The following DHRS2 variants were observed in gnomAD, a reference collection of about 807,000 sequenced individuals.
The protein encoded by DHRS2 is dehydrogenase/reductase SDR family member 2, mitochondrial.
In DHRS2, 29 loss-of-function variants were observed where a neutral mutation model predicts 26.3. The ratio of observed to expected loss-of-function variants is 1.10; its 90% CI spans 0.82 to 1.50. The LOEUF (loss-of-function observed/expected upper bound fraction) is 1.50. Among genes scored for constraint, DHRS2 ranks in the 40% most tolerant of loss-of-function variants. DHRS2 has a pLI of 0.00. For synonymous variants in DHRS2, 164 were observed against 151.3 expected (o/e 1.08, Z -0.62); for missense variants, 439 against 367.1 (o/e 1.20, Z -1.60).
chr14:23,636,850 C>T (rs879282580), intron 1 of DHRS2, 78 bp downstream of exon 1: 7 of 152,234 alleles, frequency 4.6e-5, no homozygotes, highest in Non-Finnish European at 7.3e-5. Context: ...TTCTGGGCAC[C>T]TGTCGGCCAG....
At chr14:23,637,074 C>T (rs972867129) in intron 1 of DHRS2, among the ~76,000 whole-genome samples, 11 of 152,164 alleles carry the variant, frequency 7.2e-5, no homozygotes, top group South Asian at 4.1e-4. Context: ...GTTGACCCTG[C>T]GGCCATGAGC....
chr14:23,640,372 T>G, intron 4 of DHRS2: 1 of 985,472 alleles, frequency 1.0e-6, no homozygotes, highest in Non-Finnish European at 1.2e-6. Flanking sequence ...CCACACAAAC[T>G]TGCCGACAGG....
intron 1 of DHRS2, among the ~76,000 whole-genome samples, chr14:23,630,641 A>T (rs1169720056): frequency 6.6e-6 from 1 of 152,260 alleles, no homozygotes; most frequent in East Asian, 1.9e-4. Flanking sequence ...ATGACCCATG[A>T]CACAGGTCCA....
intron 1 of DHRS2, among the ~76,000 whole-genome samples, chr14:23,637,225 A>T (rs936288859): frequency 3.3e-5 from 5 of 152,028 alleles, no homozygotes; most frequent in Non-Finnish European, 2.9e-5. Context: ...CTTCTAAAAA[A>T]CCACTCCCTG....
In DHRS2 at chr14:23,639,242, G is replaced by C; in HGVS notation, c.204G>C (p.Arg68=). The C allele has an allele frequency of 6.2e-7, 1 of 1,613,842 alleles. No homozygotes were observed. Among genetic ancestry groups the C allele is most frequent in the Non-Finnish European group, 8.5e-7 (1 of 1,179,892 alleles). Residue 68 remains arginine (R), a synonymous_variant, in exon 3 of 9, where the codon CGG becomes CGC. Transcript: ENST00000250383. ...GGGCCCACGTGGTCATCAGCAGCCG[G>C]AAGCAGCAGAACGTGGACCGGGCCA... ...RDGAHVVISS[R]KQQNVDRAMA... is the part of the protein sequence containing the mutation.
intron 1 of DHRS2, among the ~76,000 whole-genome samples, chr14:23,637,761 G>T (rs372200789): frequency 6.6e-6 from 1 of 152,116 alleles, no homozygotes; most frequent in African/African-American, 2.4e-5. Flanking sequence ...TGTGTCTAGC[G>T]AAAGGATTGT....
At chr14:23,639,943 T>C in intron 4 of DHRS2, 48 bp downstream of exon 4, 1 of 1,440,068 alleles carries the variant, frequency 6.9e-7, no homozygotes. Flanking sequence ...ATTCCAGCTC[T>C]GCACTGGGCT....
rs777096673 is a variant in DHRS2, at chr14:23,639,371, G to C, written c.318+15G>C. The C allele has an allele frequency of 4.5e-6, 7 of 1,555,134 alleles. No individual in the cohort carries two copies. The Admixed American group carries it at 5.9e-5, about 13-fold the overall frequency. On this transcript the variant is annotated intron_variant, in intron 3 of 8. Coordinates refer to ENST00000250383, the MANE Select transcript of DHRS2 (RefSeq NM_005794.4). ...TGGTGGCCAAGGTGAGGGGGCAGGC[G>C]GTGGAAGGACACAGAGAGGGGAACA...
intron 1 of DHRS2, chr14:23,630,286 G>C (rs1173892533): frequency 1.3e-5 from 2 of 152,302 alleles, no homozygotes; most frequent in African/African-American, 2.4e-5. Flanking sequence ...ATGTGGCTCA[G>C]GCTGGGGCTG....
intron 3 of DHRS2, 142 bp downstream of exon 3, chr14:23,639,498 A>T (rs1890534762): frequency 1.6e-6 from 2 of 1,266,758 alleles, no homozygotes; most frequent in Non-Finnish European, 2.1e-6. Flanking sequence ...CTCGCTACCC[A>T]GAAGGTCCCT....
rs1000421704 is a variant in DHRS2, at chr14:23,645,535, G to C, written c.*282G>C. On this transcript the variant is annotated 3_prime_UTR_variant, in exon 9 of 9. Coordinates refer to ENST00000250383, the MANE Select transcript of DHRS2 (RefSeq NM_005794.4). ...GCTGGTGCTTTGGAGGAATCTTAAG[G>C]GAAAGGAGTAGAAGCTCAGGCCTTT... 1 of 533,458 alleles carries C rather than the reference G, an allele frequency of 1.9e-6. No homozygotes were observed. The highest frequency in any genetic ancestry group is 2.9e-5 in the South Asian group (1 of 34,706). 33.0% of individuals were successfully genotyped at this position (533,458 alleles called of 1,614,324 possible). A position where few individuals can be genotyped will look rare whatever the true frequency, so the allele number is the denominator to read the frequency against.
In DHRS2 at chr14:23,638,874, G is replaced by C; in HGVS notation, c.10G>C (p.Ala4Pro). 1.2e-6 allele frequency: 2 copies of C among 1,614,030 alleles called. No homozygotes were observed. The highest frequency in any genetic ancestry group is 1.1e-5 in the South Asian group (1 of 91,068). Residue 4 changes from alanine to proline, a missense_variant, in exon 2 of 9, where the codon GCA becomes CCA. Transcript: ENST00000250383. MLS[A>P]VARGYQGWFH... is the part of the protein sequence containing the mutation. The stretch of plus-strand genomic sequence containing the variant: ...TCAGACACCAACCACTATGCTGTCA[G>C]CAGTTGCCCGGGGCTACCAGGGCTG...
At chr14:23,643,305 G>A in intron 5 of DHRS2, 86 bp downstream of exon 5, 1 of 1,259,636 alleles carries the variant, frequency 7.9e-7, no homozygotes, top group Non-Finnish European at 1.2e-6. Context: ...GCCAGTAGTG[G>A]GTAGAGGACA....
chr14:23,639,703 G>T, intron 3 of DHRS2, 91 bp from the exon 4 acceptor site: 1 of 1,372,050 alleles, frequency 7.3e-7, no homozygotes, highest in Non-Finnish European at 9.7e-7. Context: ...AGCTCTGCAA[G>T]CTTTGCCTGA....
At chr14:23,639,772 T>G in intron 3 of DHRS2, 22 bp from the exon 4 acceptor site, 2 of 1,589,078 alleles carry the variant, frequency 1.3e-6, no homozygotes, top group South Asian at 1.1e-5. Context: ...ATCTCCACAC[T>G]CATCCAATCT....
At chr14:23,632,213 G>T (rs1030948179), upstream of DHRS2, among the ~76,000 whole-genome samples, 2 of 152,200 alleles carry the variant, frequency 1.3e-5, no homozygotes, top group Non-Finnish European at 2.9e-5. Flanking sequence ...CTCAAAAGGG[G>T]GTTAATCTGA....
chr14:23,637,131 C>G (rs898155084), intron 1 of DHRS2, among the ~76,000 whole-genome samples: 2 of 152,194 alleles, frequency 1.3e-5, no homozygotes, highest in Non-Finnish European at 2.9e-5. Flanking sequence ...CCTATCTATC[C>G]TATCTATCCT....
intron 5 of DHRS2, 21 bp from the exon 6 acceptor site, chr14:23,644,090 C>T (rs1594249127): frequency 1.9e-6 from 3 of 1,613,780 alleles, no homozygotes; most frequent in Non-Finnish European, 1.7e-6. Flanking sequence ...TTCAGCTTCT[C>T]TTATGTTTGT....
chr14:23,639,041 C>T, intron 2 of DHRS2, 37 bp downstream of exon 2: 2 of 1,606,772 alleles, frequency 1.2e-6, no homozygotes, highest in Non-Finnish European at 1.7e-6. Flanking sequence ...TGGCCCCTCA[C>T]AGGGTCCTTG....
Sources: allele counts gnomAD v4.1 joint callset (sites outside exome capture counted in the v4.1 genomes callset), GRCh38; gene constraint gnomAD v4.1.1; transcripts MANE v1.5; gene names NCBI Gene and HGNC (gene_info 2026-07-23, HGNC 2026-07-21).